The following SPTLC2 variants were observed in gnomAD, a reference collection of about 807,000 sequenced individuals.
The protein encoded by SPTLC2 is serine palmitoyltransferase long chain base subunit 2, also known as serine palmitoyltransferase 2.
SPTLC2 carries 21 observed loss-of-function variants against 62.0 expected under a neutral mutation model. The observed-to-expected ratio is 0.34, with a 90% CI of 0.24 to 0.49. SPTLC2 has a LOEUF of 0.49. Ranked by LOEUF, SPTLC2 falls within the 20% of genes least tolerant of loss-of-function variation. SPTLC2 has a pLI of 0.99. For synonymous variants in SPTLC2, 261 were observed against 261.8 expected, an observed-to-expected ratio of 1.00 and a Z score of 0.03; for missense variants, 511 against 713.0, an observed-to-expected ratio of 0.72 and a Z score of 3.23.
intron 1 of SPTLC2, among the ~76,000 whole-genome samples, chr14:77,597,991 G>T (rs189926697): frequency 6.6e-6 from 1 of 151,756 alleles, no homozygotes; most frequent in Non-Finnish European, 1.5e-5. Context: ...GTGTGGTGGC[G>T]CATGCCTATA....
At chr14:77,521,732 T>G in intron 9 of SPTLC2, 151 bp from the exon 10 acceptor site, 1 of 717,686 alleles carries the variant, frequency 1.4e-6, no homozygotes, top group Non-Finnish European at 2.4e-6. Flanking sequence ...GTAAACCATA[T>G]GGAATATAAA....
chr14:77,522,844 A>C (rs537927145), intron 9 of SPTLC2, among the ~76,000 whole-genome samples: 27 of 152,346 alleles, frequency 1.8e-4, no homozygotes, highest in Non-Finnish European at 3.5e-4. Context: ...GATACATGAC[A>C]TAAGTTCTTA....
rs77442094 is a variant in SPTLC2 at position 77,536,260 on chromosome 14, T to C, written c.1304-14679A>G. 7.8e-3 allele frequency among the ~76,000 whole-genome samples: 1,148 copies of C among 146,822 alleles called. 20 individuals are homozygous for C. Among genetic ancestry groups the C allele is most frequent in the African/African-American group, 0.027 (1,094 of 41,192 alleles). On this transcript the variant is annotated intron_variant, in intron 9 of 11. Coordinates refer to ENST00000216484, the MANE Select transcript of SPTLC2 (RefSeq NM_004863.4). Reference sequence around the variant, plus strand: ...ACTGGATGTATGTAATGCCACTGAATTGTACCGAAAAATGATTAATTTTGT... The same window carrying C: ...ACTGGATGTATGTAATGCCACTGAACTGTACCGAAAAATGATTAATTTTGT...
At chr14:77,527,885 T>C (rs2079417174) in intron 9 of SPTLC2, among the ~76,000 whole-genome samples, 1 of 151,714 alleles carries the variant, frequency 6.6e-6, no homozygotes, top group South Asian at 2.1e-4. Flanking sequence ...TCAGTAGTAA[T>C]ATGATTTCCA....
chr14:77,568,026 T>G (rs892914299), intron 5 of SPTLC2, among the ~76,000 whole-genome samples: 1 of 152,214 alleles, frequency 6.6e-6, no homozygotes, highest in African/African-American at 2.4e-5. Context: ...ACACTCAAAA[T>G]ATTTACGAGT....
At position 77,609,726 on chromosome 14, in the gene SPTLC2, T is replaced by A. The variant is rs538328802; in HGVS notation, c.132+6722A>T. The stretch of plus-strand genomic sequence containing the variant: ...CTGGGCAACGGAGTGAGACTCTGTC[T>A]CAAAAAAAAAAAAATTTTGCCACTC... On this transcript the variant is annotated intron_variant, in intron 1 of 11. Coordinates refer to ENST00000216484, the MANE Select transcript of SPTLC2 (RefSeq NM_004863.4). 2.0e-5 allele frequency among the ~76,000 whole-genome samples: 3 copies of A among 150,594 alleles called. No homozygotes were observed. The East Asian group carries it at 5.8e-4, about 29-fold the overall frequency.
At chr14:77,584,637 C>G (rs1484926299) in intron 2 of SPTLC2, among the ~76,000 whole-genome samples, 1 of 152,170 alleles carries the variant, frequency 6.6e-6, no homozygotes, top group Non-Finnish European at 1.5e-5. Context: ...AACCCCAATG[C>G]CACACTGCCT....
intron 6 of SPTLC2, among the ~76,000 whole-genome samples, chr14:77,560,371 A>G (rs2140024805): frequency 6.6e-6 from 1 of 152,276 alleles, no homozygotes; most frequent in African/African-American, 2.4e-5. Context: ...GGATTGCTTG[A>G]GCCCAGGAGT....
chr14:77,513,343 A>G (rs2139989927), intron 11 of SPTLC2, among the ~76,000 whole-genome samples: 1 of 152,300 alleles, frequency 6.6e-6, no homozygotes, highest in Admixed American at 6.5e-5. Flanking sequence ...TTAAAAAATC[A>G]GTGTTTGGAG....
At chr14:77,569,147 T>C (rs1452497690) in intron 5 of SPTLC2, among the ~76,000 whole-genome samples, 1 of 152,228 alleles carries the variant, frequency 6.6e-6, no homozygotes, top group African/African-American at 2.4e-5. Context: ...TTTCTTGCTC[T>C]GAAATCTTTG....
intron 7 of SPTLC2, 24 bp from the exon 8 acceptor site, chr14:77,555,543 TATATACAC>T (rs1038326427): frequency 6.2e-7 from 1 of 1,602,736 alleles, no homozygotes. Context: ...AAAAAATATA[TATATACAC>T]ATATACACTG....
Position 77,616,588 on chromosome 14 carries a change from CA to C in SPTLC2, c.-10del, listed in dbSNP as rs1432467336. On this transcript the variant is annotated 5_prime_UTR_variant, in exon 1 of 12. Transcript: ENST00000216484. ...CCGGGCTCCGGCCGCATCTTCCTGGCAGCACCAGGCGCAAGGCAGGCTCTGT... is the reference window on the plus strand; with the variant it reads ...CCGGGCTCCGGCCGCATCTTCCTGGCGCACCAGGCGCAAGGCAGGCTCTGT... 6.5e-7 allele frequency: 1 copy of C among 1,538,296 alleles called. No homozygotes were observed. Among genetic ancestry groups the C allele is most frequent in the Admixed American group, 1.9e-5 (1 of 51,764 alleles).
At chr14:77,595,068 G>A (rs1026712547) in intron 2 of SPTLC2, among the ~76,000 whole-genome samples, 5 of 152,006 alleles carry the variant, frequency 3.3e-5, no homozygotes, top group East Asian at 1.9e-4. Context: ...GGATCAAAAC[G>A]TATTAAAAAT....
intron 1 of SPTLC2, among the ~76,000 whole-genome samples, chr14:77,604,593 T>A (rs2079894732): frequency 6.6e-6 from 1 of 152,098 alleles, no homozygotes; most frequent in Non-Finnish European, 1.5e-5. Context: ...CCCGGCCAGA[T>A]GCGGTGGCTC....
intron 1 of SPTLC2, among the ~76,000 whole-genome samples, chr14:77,614,980 AC>A (rs2079958482): frequency 6.6e-6 from 1 of 150,730 alleles, no homozygotes; most frequent in Non-Finnish European, 1.5e-5. Flanking sequence ...AAAAAAAAAA[AC>A]AAAAACAAAA....
At chr14:77,545,871 G>C (rs962232184) in intron 9 of SPTLC2, among the ~76,000 whole-genome samples, 2 of 152,184 alleles carry the variant, frequency 1.3e-5, no homozygotes, top group Non-Finnish European at 2.9e-5. Flanking sequence ...ATAGCATTTG[G>C]ATTTGGAAGA....
intron 9 of SPTLC2, among the ~76,000 whole-genome samples, chr14:77,525,595 A>AG (rs1203564289): frequency 6.6e-6 from 1 of 150,820 alleles, no homozygotes; most frequent in Non-Finnish European, 1.5e-5. Context: ...GTCTCGAAAA[A>AG]AAAAAAGAAA....
chr14:77,551,989 G>A lies in SPTLC2; in HGVS notation c.1303+107C>T, dbSNP rs946438194. 3 of 1,499,436 alleles carry A rather than the reference G, an allele frequency of 2.0e-6. No homozygotes were observed. In the African/African-American group the frequency reaches 4.1e-5, roughly 21 times the overall value. The allele number at this position is 1,499,436 out of a possible 1,614,324, so 92.9% of individuals were successfully genotyped here. Reference sequence around the variant, plus strand: ...TGGAAACCACACACCAGCCAGCTCTGCCTATTAGTAAACCTGACTATTTAT... The same window carrying A: ...TGGAAACCACACACCAGCCAGCTCTACCTATTAGTAAACCTGACTATTTAT... On this transcript the variant is annotated intron_variant, in intron 9 of 11. Transcript: ENST00000216484.
At chr14:77,574,490 A>G (rs1385955476) in intron 4 of SPTLC2, among the ~76,000 whole-genome samples, 1 of 152,236 alleles carries the variant, frequency 6.6e-6, no homozygotes, top group Non-Finnish European at 1.5e-5. Context: ...CAATTCCACT[A>G]GTAAGTATAA....
Sources: gnomAD v4.1 joint callset for allele counts (sites outside exome capture counted in the v4.1 genomes callset) on GRCh38, gnomAD v4.1.1 for gene constraint, MANE v1.5 for transcripts, NCBI Gene and HGNC (gene_info 2026-07-23, HGNC 2026-07-21) for gene names.